The following PRKN variants were observed in gnomAD, a reference collection of about 807,000 sequenced individuals.
The protein encoded by PRKN is E3 ubiquitin-protein ligase parkin.
Under a neutral mutation model 59.5 loss-of-function variants are expected in PRKN, and 56 were observed. The ratio of observed to expected loss-of-function variants is 0.94; its 90% CI spans 0.76 to 1.18. The LOEUF (loss-of-function observed/expected upper bound fraction) is 1.18. Ranked by LOEUF, PRKN falls within the 50% of genes most tolerant of loss-of-function variation. PRKN has a pLI of 0.00. For missense variants in PRKN, 657 were observed against 596.4 expected, an observed-to-expected ratio of 1.10 and a Z score of -1.06; for synonymous variants, 250 against 222.1, an observed-to-expected ratio of 1.13 and a Z score of -1.12.
chr6:161,919,890 G>C (rs1017069843), intron 6 of PRKN, among the ~76,000 whole-genome samples: 4 of 152,216 alleles, frequency 2.6e-5, no homozygotes, highest in Non-Finnish European at 4.4e-5. Flanking sequence ...CAGATAGTAA[G>C]CATACGTTTT....
chr6:162,107,025 C>T (rs1780217902), intron 4 of PRKN, among the ~76,000 whole-genome samples: 1 of 152,154 alleles, frequency 6.6e-6, no homozygotes, highest in Non-Finnish European at 1.5e-5. Context: ...CTCAACCTAT[C>T]CGTATTCCCC....
chr6:161,995,910 G>A (rs1781823691), intron 5 of PRKN, among the ~76,000 whole-genome samples: 1 of 152,142 alleles, frequency 6.6e-6, no homozygotes, highest in Admixed American at 6.6e-5. Context: ...GGGAGGCTGA[G>A]GTGGGAAGAC....
At chr6:162,503,028 T>C (rs1380961490) in intron 1 of PRKN, among the ~76,000 whole-genome samples, 1 of 151,780 alleles carries the variant, frequency 6.6e-6, no homozygotes, top group Non-Finnish European at 1.5e-5. Flanking sequence ...TGTATTGTAT[T>C]TGGTGGACTG....
At chr6:161,489,739 C>T (rs10455886) in intron 9 of PRKN, among the ~76,000 whole-genome samples, 62,991 of 151,880 alleles carry the variant, frequency 0.41, 15,966 homozygotes, top group Middle Eastern at 0.58. Flanking sequence ...TGGTATATTT[C>T]TTCCTTGAAT....
At position 161,529,743 on chromosome 6, in the gene PRKN, A is replaced by T. The variant is rs1264362012; in HGVS notation, c.1083+19111T>A. Among the ~76,000 whole-genome samples the T allele has an allele frequency of 6.6e-6, 1 of 152,216 alleles. No individual in the cohort carries two copies. The highest frequency in any genetic ancestry group is 2.4e-5 in the African/African-American group (1 of 41,458). On this transcript the variant is annotated intron_variant, in intron 9 of 11. Transcript: ENST00000366898. The surrounding 1 kb of genome is among the most constrained non-coding windows in gnomAD (Gnocchi z 4.4). ...AAATCAAAAAAGATTTATAAACATT[A>T]TTGGTACAACTGATTTTTGTCTCTG...
At chr6:161,984,335 G>A (rs913516532) in intron 5 of PRKN, among the ~76,000 whole-genome samples, 3 of 152,070 alleles carry the variant, frequency 2.0e-5, no homozygotes, top group Admixed American at 6.6e-5. Context: ...TTGGCTCACC[G>A]CAACCTCCGT....
intron 6 of PRKN, among the ~76,000 whole-genome samples, chr6:161,788,101 A>G (rs1405139392): frequency 6.6e-6 from 1 of 152,188 alleles, no homozygotes; most frequent in Admixed American, 6.5e-5. Flanking sequence ...AGGCTTTTCC[A>G]TTCCTGTTAG....
intron 9 of PRKN, among the ~76,000 whole-genome samples, chr6:161,507,002 G>A (rs16892658): frequency 0.09 from 13,686 of 152,190 alleles, 702 homozygotes; most frequent in African/African-American, 0.15. Flanking sequence ...GTCACAGGCC[G>A]CCTGTTCAGC....
chr6:162,374,547 G>A (rs184799503), intron 2 of PRKN, among the ~76,000 whole-genome samples: 4 of 150,430 alleles, frequency 2.7e-5, no homozygotes, highest in South Asian at 2.1e-4. Context: ...TTGTTTGTTT[G>A]TTTATTTATT....
Position 161,882,519 on chromosome 6 carries a change from A to T in PRKN, c.734+90783T>A, listed in dbSNP as rs555110614. Among the ~76,000 whole-genome samples, 6 of 152,272 alleles carry T rather than the reference A, an allele frequency of 3.9e-5. No homozygotes were observed. The South Asian group carries it at 1.2e-3, about 32-fold the overall frequency. On this transcript the variant is annotated intron_variant, in intron 6 of 11. Transcript: ENST00000366898. The stretch of plus-strand genomic sequence containing the variant: ...CTCTGACCATTCTAGTCAGCTTCTC[A>T]TCAATTATCCCAGTTTTGGGGGCTC...
chr6:162,073,307 G>A (rs77015433), intron 4 of PRKN, among the ~76,000 whole-genome samples: 2,211 of 152,288 alleles, frequency 0.015, 49 homozygotes, highest in African/African-American at 0.05. Flanking sequence ...TGGCCTCAGC[G>A]TTAACCAGAG....
intron 7 of PRKN, among the ~76,000 whole-genome samples, chr6:161,644,015 A>C (rs998268832): frequency 6.6e-6 from 1 of 152,082 alleles, no homozygotes; most frequent in African/African-American, 2.4e-5. Context: ...CAAGTAAAAA[A>C]CTATTAACTT....
At chr6:161,469,053 C>G (rs1316498274) in intron 9 of PRKN, among the ~76,000 whole-genome samples, 1 of 152,192 alleles carries the variant, frequency 6.6e-6, no homozygotes, top group African/African-American at 2.4e-5. Flanking sequence ...ACTGCCACCT[C>G]CCCCATGTCT....
intron 1 of PRKN, among the ~76,000 whole-genome samples, chr6:162,631,466 G>A (rs1165843071): frequency 6.6e-6 from 1 of 152,026 alleles, no homozygotes; most frequent in Non-Finnish European, 1.5e-5. Context: ...TTTTTCATAG[G>A]TTTGTTGGTA....
intron 2 of PRKN, among the ~76,000 whole-genome samples, chr6:162,347,709 A>G (rs1019944549): frequency 3.3e-5 from 5 of 152,146 alleles, no homozygotes; most frequent in Admixed American, 3.3e-4. Context: ...TCACTGAGAC[A>G]AATAGATTTA....
intron 4 of PRKN, among the ~76,000 whole-genome samples, chr6:162,162,918 G>C (rs950036603): frequency 2.7e-5 from 4 of 148,672 alleles, no homozygotes; most frequent in Non-Finnish European, 5.9e-5. Flanking sequence ...TGAGGCAGAA[G>C]AATCACTTGA....
intron 1 of PRKN, among the ~76,000 whole-genome samples, chr6:162,548,346 C>T (rs1490949942): frequency 1.3e-5 from 2 of 152,144 alleles, no homozygotes; most frequent in East Asian, 1.9e-4. Flanking sequence ...CGTGAGCCAC[C>T]GTGCCTGGTC....
intron 7 of PRKN, among the ~76,000 whole-genome samples, chr6:161,725,301 T>C (rs12529287): frequency 0.15 from 23,490 of 152,150 alleles, 2,310 homozygotes; most frequent in South Asian, 0.22. Flanking sequence ...AGACAATGGG[T>C]AGGGTAACCT....
chr6:161,450,731 AT>A (rs1421956185), intron 9 of PRKN, among the ~76,000 whole-genome samples: 1 of 151,856 alleles, frequency 6.6e-6, no homozygotes, highest in Non-Finnish European at 1.5e-5. Flanking sequence ...TAATTTTTGT[AT>A]TTTTAGTAGA....
Sources: gnomAD v4.1 joint callset for allele counts (sites outside exome capture counted in the v4.1 genomes callset) on GRCh38, gnomAD v4.1.1 for gene constraint, Gnocchi (gnomAD v3.1) non-coding constraint, MANE v1.5 for transcripts, NCBI Gene and HGNC (gene_info 2026-07-23, HGNC 2026-07-21) for gene names.